ITGA11: variants seen among roughly 807,000 people sequenced by gnomAD.
ITGA11 encodes the protein integrin subunit alpha 11, also known as integrin alpha-11.
A neutral mutation model predicts 141.9 loss-of-function variants in ITGA11; 97 were observed. That is an observed-to-expected ratio of 0.68 (90% confidence interval 0.58 to 0.81). The LOEUF (loss-of-function observed/expected upper bound fraction) is 0.81. ITGA11 is among the 30% of genes least tolerant of loss of function. The pLI is 0.00. For missense variants in ITGA11, 1,387 were observed against 1,559.2 expected (o/e 0.89, Z 1.86); for synonymous variants, 658 against 624.6 (o/e 1.05, Z -0.80).
rs77797336 is a variant in ITGA11 at position 68,355,990 on chromosome 15, C to G, written c.749+1161G>C. ...CTGGCTAATTTCAGTGGGGGGTGAGCACAATGTTTTGAGCAACAACATTAC... is the reference window on the plus strand; with the variant it reads ...CTGGCTAATTTCAGTGGGGGGTGAGGACAATGTTTTGAGCAACAACATTAC... On this transcript the variant is annotated intron_variant, in intron 7 of 29. Coordinates refer to ENST00000315757, the MANE Select transcript of ITGA11 (RefSeq NM_001004439.2). 7.6e-3 allele frequency among the ~76,000 whole-genome samples: 1,163 copies of G among 152,308 alleles called. 5 individuals are homozygous for G. The highest frequency in any genetic ancestry group is 0.013 in the Non-Finnish European group (876 of 68,038).
intron 7 of ITGA11, among the ~76,000 whole-genome samples, chr15:68,354,377 C>T (rs1895005499): frequency 6.6e-6 from 1 of 152,134 alleles, no homozygotes; most frequent in Non-Finnish European, 1.5e-5. Context: ...CTGTACATAG[C>T]TGCCAGGCTC....
intron 1 of ITGA11, among the ~76,000 whole-genome samples, chr15:68,420,300 C>T (rs561061188): frequency 5.9e-5 from 9 of 152,292 alleles, no homozygotes; most frequent in African/African-American, 2.2e-4. Context: ...TGTGTAAAAA[C>T]AAGGCCATTC....
rs1363580049 is a variant in ITGA11 at position 68,325,073 on chromosome 15, G to C, written c.2322+58C>G. The C allele has an allele frequency of 9.8e-6, 12 of 1,228,314 alleles. No individual in the cohort carries two copies. The highest frequency in any genetic ancestry group is 1.2e-6 in the Non-Finnish European group (1 of 828,394). 76.1% of individuals were successfully genotyped at this position (1,228,314 alleles called of 1,614,324 possible). A position where few individuals can be genotyped will look rare whatever the true frequency, so the allele number is the denominator to read the frequency against. On this transcript the variant is annotated intron_variant, in intron 18 of 29. Coordinates refer to ENST00000315757, the MANE Select transcript of ITGA11 (RefSeq NM_001004439.2). The surrounding 1 kb of genome is among the most constrained non-coding windows in gnomAD (Gnocchi z 5.5). ...CACTCAGGCTCTGGGCTTTGGGGTT[G>C]AGGTGGAGGTGGGGGTGGGGTTCAT...
rs75833921 is a variant in ITGA11, at chr15:68,321,165, CTTTT to C, written c.2408+249_2408+252del. Among the ~76,000 whole-genome samples, 25 of 146,110 alleles carry C rather than the reference CTTTT, an allele frequency of 1.7e-4. No individual in the cohort carries two copies. The highest frequency in any genetic ancestry group is 9.9e-4 in the East Asian group (5 of 5,038). On this transcript the variant is annotated intron_variant, in intron 19 of 29. Coordinates refer to ENST00000315757, the MANE Select transcript of ITGA11 (RefSeq NM_001004439.2). The surrounding 1 kb of genome is among the most constrained non-coding windows in gnomAD (Gnocchi z 4.9). ...AATGTGGGCTCCGAAGAAAGGGTTT[CTTTT>C]TTTTTTTTTTTTTAACAAAATTTGA...
rs10647873 is a variant in ITGA11, at chr15:68,405,159, C to CGTTTTTTTTTT, written c.53-2131_53-2130insAAAAAAAAAAC. On this transcript the variant is annotated intron_variant, in intron 1 of 29. Coordinates refer to ENST00000315757, the MANE Select transcript of ITGA11 (RefSeq NM_001004439.2). Reference sequence around the variant, plus strand: ...ACAAGTTATTTTTCCCACTGTCTCCCTTTTTTTTTTTTTTTTGCTCAGCAA... The same window carrying CGTTTTTTTTTT: ...ACAAGTTATTTTTCCCACTGTCTCCCGTTTTTTTTTTTTTTTTTTTTTTTTTTGCTCAGCAA... 1.7e-4 allele frequency among the ~76,000 whole-genome samples: 20 copies of CGTTTTTTTTTT among 118,896 alleles called. 1 individual carries two copies. The highest frequency in any genetic ancestry group is 1.9e-4 in the African/African-American group (6 of 31,652). The allele number at this position is 118,896 out of a possible 152,430, so 78.0% of individuals were successfully genotyped here. A position where few individuals can be genotyped will look rare whatever the true frequency, so the allele number is the denominator to read the frequency against.
At chr15:68,348,404 C>A (rs1380315830) in intron 10 of ITGA11, among the ~76,000 whole-genome samples, 1 of 152,246 alleles carries the variant, frequency 6.6e-6, no homozygotes, top group Non-Finnish European at 1.5e-5. Flanking sequence ...AAAGCACGTG[C>A]CATTGGCTTT....
intron 10 of ITGA11, among the ~76,000 whole-genome samples, chr15:68,342,839 G>A (rs754159688): frequency 1.3e-5 from 2 of 152,274 alleles, no homozygotes; most frequent in Admixed American, 6.5e-5. Flanking sequence ...TGCACCAGAT[G>A]GTCCCTTACG....
rs1892949069 is a variant in ITGA11, at chr15:68,298,202, G to A, written c.*4857C>T. ...TCAGTATGAGAGAGGCAAATTTTAG[G>A]TGGTTCACAAAACCTTAGCTTGTTG... On this transcript the variant is annotated 3_prime_UTR_variant, in exon 30 of 30. Transcript: ENST00000315757. The A allele has an allele frequency of 6.6e-6, 1 of 152,186 alleles. No homozygotes were observed. Among genetic ancestry groups the A allele is most frequent in the Non-Finnish European group, 1.5e-5 (1 of 68,032 alleles). The allele number at this position is 152,186 out of a possible 1,614,324, so 9.4% of individuals were successfully genotyped here. A position where few individuals can be genotyped will look rare whatever the true frequency, so the allele number is the denominator to read the frequency against.
At chr15:68,400,307 A>T (rs1041709960) in intron 2 of ITGA11, among the ~76,000 whole-genome samples, 1 of 151,820 alleles carries the variant, frequency 6.6e-6, no homozygotes, top group Non-Finnish European at 1.5e-5. Context: ...AAGCAAAAAC[A>T]TCAAACTTCT....
chr15:68,429,236 C>T (rs1897214694), intron 1 of ITGA11, among the ~76,000 whole-genome samples: 2 of 152,196 alleles, frequency 1.3e-5, no homozygotes, highest in African/African-American at 4.8e-5. Flanking sequence ...GAGTAACTTG[C>T]CAAGAGCACA....
chr15:68,331,957 T>C lies in ITGA11; in HGVS notation c.1672A>G (p.Asn558Asp). ...AGGGGGGCTCCCACCACCACGTCAT[T>C]GTAGGAATCCTGGTTGAGGTCTCGA... Reference protein sequence around the residue: ...SVRDLNQDSYNDVVVGAPLED... With the variant: ...SVRDLNQDSYDDVVVGAPLED... Residue 558 changes from asparagine to aspartate, a missense_variant, in exon 14 of 30, where the codon AAT becomes GAT. Coordinates refer to ENST00000315757, the MANE Select transcript of ITGA11 (RefSeq NM_001004439.2). The C allele has an allele frequency of 6.2e-7, 1 of 1,613,400 alleles. No individual in the cohort carries two copies. The highest frequency in any genetic ancestry group is 8.5e-7 in the Non-Finnish European group (1 of 1,179,700).
Position 68,302,995 on chromosome 15 carries a change from TG to T in ITGA11, c.*63del. The T allele has an allele frequency of 7.4e-7, 1 of 1,353,560 alleles. No individual in the cohort carries two copies. The highest frequency in any genetic ancestry group is 1.0e-6 in the Non-Finnish European group (1 of 984,724). The allele number at this position is 1,353,560 out of a possible 1,614,324, so 83.8% of individuals were successfully genotyped here. ...CTCCAGCTCGGTGGGGCCACAGGCC[TG>T]GGTCTCAACACTACCTGGACTGGTG... On this transcript the variant is annotated 3_prime_UTR_variant, in exon 30 of 30. Coordinates refer to ENST00000315757, the MANE Select transcript of ITGA11 (RefSeq NM_001004439.2).
At chr15:68,394,895 T>C (rs1192844565) in intron 2 of ITGA11, among the ~76,000 whole-genome samples, 2 of 152,140 alleles carry the variant, frequency 1.3e-5, no homozygotes, top group Admixed American at 1.3e-4. Flanking sequence ...AATAATCCAT[T>C]ATCTTTAAGA....
intron 1 of ITGA11, among the ~76,000 whole-genome samples, chr15:68,409,092 T>C (rs1425050955): frequency 1.3e-5 from 2 of 152,118 alleles, no homozygotes; most frequent in African/African-American, 4.8e-5. Context: ...CCCTGGTTCC[T>C]TGAGCTGGCC....
intron 9 of ITGA11, 40 bp downstream of exon 9, chr15:68,350,577 C>T: frequency 6.3e-7 from 1 of 1,587,868 alleles, no homozygotes; most frequent in Non-Finnish European, 8.6e-7. Flanking sequence ...TGACATAAGC[C>T]CAGGAGAGAG....
At chr15:68,409,526 T>C (rs112584772) in intron 1 of ITGA11, among the ~76,000 whole-genome samples, 16,146 of 114,304 alleles carry the variant, frequency 0.14, 32 homozygotes, top group Non-Finnish European at 0.17. Context: ...TACTACCTGA[T>C]TAGGTAGGTA....
chr15:68,402,880 T>C (rs1374119528), intron 2 of ITGA11, 38 bp downstream of exon 2: 23 of 1,404,922 alleles, frequency 1.6e-5, no homozygotes, highest in Non-Finnish European at 2.1e-5. Flanking sequence ...GGGTGTGGAA[T>C]GGTACAGGGC....
intron 14 of ITGA11, 150 bp from the exon 15 acceptor site, chr15:68,331,261 C>T (rs80168419): frequency 0.025 from 16,486 of 654,152 alleles, 275 homozygotes; most frequent in Middle Eastern, 0.051. Context: ...CCTCTCTTGG[C>T]CTATCATGGC....
chr15:68,397,524 TTATAAAATA>T (rs1896333462), intron 2 of ITGA11, among the ~76,000 whole-genome samples: 1 of 69,922 alleles, frequency 1.4e-5, no homozygotes, highest in African/African-American at 8.2e-5. Flanking sequence ...ATTTAAAATA[TTATAAAATA>T]TTTAAAATAT....
Sources: gnomAD v4.1 joint callset for allele counts (sites outside exome capture counted in the v4.1 genomes callset) on GRCh38, gnomAD v4.1.1 for gene constraint, Gnocchi (gnomAD v3.1) non-coding constraint, MANE v1.5 for transcripts, NCBI Gene and HGNC (gene_info 2026-07-23, HGNC 2026-07-21) for gene names.